CFTR: variants seen among roughly 807,000 people sequenced by gnomAD.
CFTR encodes CF transmembrane conductance regulator, also known as cystic fibrosis transmembrane conductance regulator.
A neutral mutation model predicts 171.6 loss-of-function variants in CFTR; 181 were observed. The observed-to-expected ratio is 1.05, with a 90% CI of 0.93 to 1.19. The LOEUF (loss-of-function observed/expected upper bound fraction) is 1.19, where lower values mean the gene tolerates loss of function less well. CFTR is among the 50% of genes most tolerant of loss of function. CFTR has a pLI of 0.00. For missense variants in CFTR, 1,968 were observed against 1,734.7 expected (o/e 1.13, Z -2.39); for synonymous variants, 583 against 608.0 (o/e 0.96, Z 0.60).
intron 21 of CFTR, among the ~76,000 whole-genome samples, chr7:117,624,393 C>T (rs1412454874): frequency 6.6e-6 from 1 of 152,144 alleles, no homozygotes; most frequent in Non-Finnish European, 1.5e-5. Context: ...GACCCTTCTT[C>T]AGTTTCTTCC....
chr7:117,480,592 A>C (rs773367206), intron 1 of CFTR, among the ~76,000 whole-genome samples: 1 of 152,336 alleles, frequency 6.6e-6, no homozygotes, highest in African/African-American at 2.4e-5. Context: ...GAATTCAGCC[A>C]ACAAAAATTT....
chr7:117,610,531 G>T lies in CFTR; in HGVS notation c.3001G>T (p.Val1001Leu). Residue 1001 changes from valine (V) to leucine (L), a missense_variant, in exon 19 of 27, where the codon GTG (valine) becomes TTG (leucine). Val to Leu is a conservative substitution (Grantham distance 32, BLOSUM62 1). Transcript: ENST00000003084. The part of the protein sequence containing the change: ...IFDFIQLLLI[V>L]IGAIAVVAVL... ...TTTGATCTTACAGTTGTTATTAATT[G>T]TGATTGGAGCTATAGCAGTTGTCGC... The T allele has an allele frequency of 6.2e-7, 1 of 1,612,038 alleles. No homozygotes were observed. Among genetic ancestry groups the T allele is most frequent in the Non-Finnish European group, 8.5e-7 (1 of 1,179,048 alleles).
chr7:117,599,241 T>C (rs528601060), intron 15 of CFTR, among the ~76,000 whole-genome samples: 1 of 152,192 alleles, frequency 6.6e-6, no homozygotes, highest in Non-Finnish European at 1.5e-5. Context: ...GATTTGAACC[T>C]CTGCCTTGAA....
intron 11 of CFTR, among the ~76,000 whole-genome samples, chr7:117,579,328 T>C (rs1356619068): frequency 6.6e-6 from 1 of 151,866 alleles, no homozygotes. Flanking sequence ...TACATCCCAA[T>C]GAGGTTGGTT....
At chr7:117,643,367 A>G (rs1792949561) in intron 23 of CFTR, among the ~76,000 whole-genome samples, 1 of 152,092 alleles carries the variant, frequency 6.6e-6, no homozygotes, top group Non-Finnish European at 1.5e-5. Flanking sequence ...TTCCACTACC[A>G]TAGTTCTTGC....
chr7:117,532,393 A>G (rs1279975490), intron 4 of CFTR, among the ~76,000 whole-genome samples: 1 of 152,226 alleles, frequency 6.6e-6, no homozygotes, highest in African/African-American at 2.4e-5. Context: ...CTGCACAACT[A>G]TTAATGGTAG....
At position 117,540,201 on chromosome 7, in the gene CFTR, C is replaced by T. The variant is rs397508822; in HGVS notation, c.971C>T (p.Pro324Leu). ...GFFVVFLSVL[P>L]YALIKGIILR... ...TTTGTGGTGTTTTTATCTGTGCTTC[C>T]CTATGCACTAATCAAAGGAATCATC... is the stretch of plus-strand genomic sequence containing the variant. The change falls in exon 8 of 27, where the codon CCC (proline) becomes CTC (leucine). Residue 324 changes from proline to leucine, a missense_variant. By Grantham distance (98) the Pro-to-Leu change is moderately conservative (BLOSUM62 -3). Coordinates refer to ENST00000003084, the MANE Select transcript of CFTR (RefSeq NM_000492.4). 1.9e-6 allele frequency: 3 copies of T among 1,613,974 alleles called. No homozygotes were observed. The highest frequency in any genetic ancestry group is 4.5e-5 in the East Asian group (2 of 44,878).
At chr7:117,591,556 T>C (rs1792023517) in intron 13 of CFTR, among the ~76,000 whole-genome samples, 1 of 152,098 alleles carries the variant, frequency 6.6e-6, no homozygotes, top group Non-Finnish European at 1.5e-5. Flanking sequence ...AGCTCTGACA[T>C]TTAAAAGAAA....
chr7:117,628,701 A>G (rs368060855), intron 22 of CFTR, among the ~76,000 whole-genome samples: 3 of 152,260 alleles, frequency 2.0e-5, no homozygotes, highest in East Asian at 3.9e-4. Flanking sequence ...GATTTTGCCC[A>G]TGGATTTTAG....
intron 10 of CFTR, among the ~76,000 whole-genome samples, chr7:117,549,486 T>C (rs1799231863): frequency 6.6e-6 from 1 of 152,322 alleles, no homozygotes; most frequent in East Asian, 1.9e-4. Flanking sequence ...TTTGTAGTGA[T>C]CTTCAAGAAT....
At chr7:117,606,851 G>A (rs993860467) in intron 18 of CFTR, 98 bp downstream of exon 18, 1 of 799,314 alleles carries the variant, frequency 1.3e-6, no homozygotes, top group Non-Finnish European at 2.2e-6. Flanking sequence ...TTGATTGAGG[G>A]TTGAAGTCCT....
chr7:117,542,213 C>T, intron 9 of CFTR, 105 bp downstream of exon 9: 1 of 696,508 alleles, frequency 1.4e-6, no homozygotes, highest in Non-Finnish European at 2.7e-6. Context: ...GATGATATAA[C>T]TGGTAGAACT....
intron 9 of CFTR, among the ~76,000 whole-genome samples, chr7:117,546,787 T>G (rs1189103096): frequency 6.6e-6 from 1 of 152,224 alleles, no homozygotes; most frequent in African/African-American, 2.4e-5. Flanking sequence ...GAGATATATT[T>G]TGTTCCTTTG....
intron 1 of CFTR, among the ~76,000 whole-genome samples, chr7:117,489,431 A>C (rs1798122212): frequency 6.6e-6 from 1 of 152,062 alleles, no homozygotes; most frequent in African/African-American, 2.4e-5. Flanking sequence ...ATTGATGGTA[A>C]ATTCTATAAC....
intron 24 of CFTR, among the ~76,000 whole-genome samples, chr7:117,658,617 T>G (rs1048753491): frequency 1.3e-5 from 2 of 152,128 alleles, no homozygotes; most frequent in African/African-American, 4.8e-5. Context: ...ACCACATACC[T>G]GTCCTGTGTT....
rs372782591 is a variant in CFTR, at chr7:117,541,999, C to T, written c.1117-17C>T. On this transcript the variant is annotated splice_polypyrimidine_tract_variant and intron_variant, in intron 8 of 26. Transcript: ENST00000003084. ...ATTCTGATTCTATAATATGTTTTTGCTCTCTTTTATAAATAGGATTTCTTA... is the reference window on the plus strand; with the variant it reads ...ATTCTGATTCTATAATATGTTTTTGTTCTCTTTTATAAATAGGATTTCTTA... 26 of 1,252,614 alleles carry T rather than the reference C, an allele frequency of 2.1e-5. No homozygotes were observed. Among genetic ancestry groups the T allele is most frequent in the Admixed American group, 6.7e-5 (4 of 59,372 alleles). 77.6% of individuals were successfully genotyped at this position (1,252,614 alleles called of 1,614,324 possible).
At chr7:117,608,451 G>A (rs1562913302) in intron 18 of CFTR, among the ~76,000 whole-genome samples, 1 of 152,140 alleles carries the variant, frequency 6.6e-6, no homozygotes, top group Non-Finnish European at 1.5e-5. Flanking sequence ...GACCTCAAGT[G>A]ATCCACCTGC....
chr7:117,508,710 G>C (rs1032501168), intron 2 of CFTR, among the ~76,000 whole-genome samples: 3 of 152,204 alleles, frequency 2.0e-5, no homozygotes, highest in Non-Finnish European at 4.4e-5. Context: ...TCTAAGCACA[G>C]CAATGAGCAT....
intron 12 of CFTR, among the ~76,000 whole-genome samples, chr7:117,588,202 G>T (rs1223304731): frequency 1.3e-5 from 2 of 151,802 alleles, no homozygotes; most frequent in Non-Finnish European, 2.9e-5. Flanking sequence ...CCAGCTTTAG[G>T]CTTCTTGGTA....
Sources: allele counts gnomAD v4.1 joint callset (sites outside exome capture counted in the v4.1 genomes callset), GRCh38; gene constraint gnomAD v4.1.1; transcripts MANE v1.5; gene names NCBI Gene and HGNC (gene_info 2026-07-23, HGNC 2026-07-21).